ZNF692: variants seen among roughly 807,000 people sequenced by gnomAD.
The protein encoded by ZNF692 is zinc finger protein 692, also known as AICAR responsive element binding protein.
ZNF692 carries 41 observed loss-of-function variants against 49.0 expected under a neutral mutation model. The observed-to-expected ratio is 0.84, with a 90% CI of 0.65 to 1.08. The LOEUF is 1.08. Ranked by LOEUF, ZNF692 falls within the 50% of genes least tolerant of loss-of-function variation. ZNF692 has a pLI of 0.00. For missense variants in ZNF692, 662 were observed against 662.2 expected (o/e 1.00, Z 0.00); for synonymous variants, 288 against 251.5 (o/e 1.15, Z -1.37).
chr1:248,854,082 A>G (rs1487807487), intron 9 of ZNF692, 31 bp from the exon 10 acceptor site: 6 of 1,554,036 alleles, frequency 3.9e-6, no homozygotes, highest in Middle Eastern at 1.7e-4. Flanking sequence ...TAGGGAGAGA[A>G]GAGGCAAAAG....
chr1:248,852,747 C>T (rs1381755312), intron 10 of ZNF692, among the ~76,000 whole-genome samples: 1 of 152,168 alleles, frequency 6.6e-6, no homozygotes, highest in Non-Finnish European at 1.5e-5. Context: ...ATCCCCCCTT[C>T]CTCCCTGGAG....
rs1239984906 is a variant in ZNF692 at position 248,850,166 on chromosome 1, A to T, written c.*44T>A. 1 of 1,503,266 alleles carries T rather than the reference A, an allele frequency of 6.7e-7. No individual in the cohort carries two copies. Among genetic ancestry groups the T allele is most frequent in the African/African-American group, 1.4e-5 (1 of 71,104 alleles). 93.1% of individuals were successfully genotyped at this position (1,503,266 alleles called of 1,614,324 possible). A position where few individuals can be genotyped will look rare whatever the true frequency, so the allele number is the denominator to read the frequency against. ...GACCCTCTCCTTGTTGCTCCTTTTC[A>T]GTCCCTGGAGTCTGGCTTCCCAAAG... is the stretch of plus-strand genomic sequence containing the variant. On this transcript the variant is annotated 3_prime_UTR_variant, in exon 12 of 12. Transcript: ENST00000306601.
At chr1:248,850,890 G>A (rs905319126) in intron 10 of ZNF692, 109 bp from the exon 11 acceptor site, 5 of 964,748 alleles carry the variant, frequency 5.2e-6, no homozygotes, top group Non-Finnish European at 8.1e-6. Context: ...GAGGTCAGGA[G>A]GCTCAGGTTC....
chr1:248,854,040 C>G lies in ZNF692; in HGVS notation c.1050G>C (p.Lys350Asn). The G allele has an allele frequency of 4.3e-6, 7 of 1,614,068 alleles. No homozygotes were observed. The highest frequency in any genetic ancestry group is 5.9e-6 in the Non-Finnish European group (7 of 1,179,914). The change falls in exon 10 of 12, where the codon AAG becomes AAC. Residue 350 changes from lysine to asparagine, a missense_variant. Lys to Asn is a moderately conservative substitution (Grantham distance 94). Transcript: ENST00000306601. Reference protein sequence around the residue: ...SNRQYLNHHKKYQHIHQKSFS... With the variant: ...SNRQYLNHHKNYQHIHQKSFS... The stretch of plus-strand genomic sequence containing the variant: ...AAGACTTCTGGTGGATGTGCTGGTA[C>G]TTTTTGTGGTGCTAGAGAAGGAAGT...
chr1:248,854,573 C>G (rs1660008068), intron 9 of ZNF692: 1 of 155,500 alleles, frequency 6.4e-6, no homozygotes, highest in East Asian at 1.9e-4. Context: ...CACACACACT[C>G]TCAACCTAGA....
At position 248,858,642 on chromosome 1, in the gene ZNF692, G is replaced by A. The variant is rs112779094; in HGVS notation, c.-13+276C>T. Reference sequence around the variant, plus strand: ...TTTCACGGGAAATTTCAACTGGGCTGGGGGCGGTCCACACATTTCATCTTG... The same window carrying A: ...TTTCACGGGAAATTTCAACTGGGCTAGGGGCGGTCCACACATTTCATCTTG... On this transcript the variant is annotated intron_variant, in intron 1 of 11. Transcript: ENST00000306601. This position sits in a 1 kb window ranked among gnomAD's most constrained non-coding sequence, Gnocchi z 4.3. 1,591 of 1,297,054 alleles carry A rather than the reference G, an allele frequency of 1.2e-3. 22 individuals carry two copies. The African/African-American group carries it at 0.021, about 17-fold the overall frequency. The allele number at this position is 1,297,054 out of a possible 1,614,324, so 80.3% of individuals were successfully genotyped here. A position where few individuals can be genotyped will look rare whatever the true frequency, so the allele number is the denominator to read the frequency against.
chr1:248,854,049 G>A lies in ZNF692; in HGVS notation c.1041C>T (p.His347=). ...RIFSNRQYLN[H]HKKYQHIHQK... ...GGTGGATGTGCTGGTACTTTTTGTG[G>A]TGCTAGAGAAGGAAGTGGGTGGTAG... is the stretch of plus-strand genomic sequence containing the variant. Residue 347 remains histidine, a splice_region_variant and synonymous_variant, in exon 10 of 12, where the codon CAC becomes CAT. Transcript: ENST00000306601. 1.2e-6 allele frequency: 2 copies of A among 1,613,624 alleles called. No homozygotes were observed. The highest frequency in any genetic ancestry group is 1.7e-6 in the Non-Finnish European group (2 of 1,179,532).
rs749216107 is a variant in ZNF692, at chr1:248,854,057, G to A, written c.1039-6C>T. ...TGCTGGTACTTTTTGTGGTGCTAGA[G>A]AAGGAAGTGGGTGGTAGGGAGAGAA... On this transcript the variant is annotated splice_polypyrimidine_tract_variant and splice_region_variant and intron_variant, in intron 9 of 11. Coordinates refer to ENST00000306601, the MANE Select transcript of ZNF692 (RefSeq NM_017865.4). The A allele has an allele frequency of 3.7e-6, 6 of 1,610,816 alleles. No individual in the cohort carries two copies. Among genetic ancestry groups the A allele is most frequent in the Middle Eastern group, 1.7e-4 (1 of 6,056 alleles).
At chr1:248,854,107 A>G in intron 9 of ZNF692, 56 bp from the exon 10 acceptor site, 1 of 1,361,346 alleles carries the variant, frequency 7.3e-7, no homozygotes, top group Non-Finnish European at 1.1e-6. Context: ...GCCACCTTCC[A>G]CGGAGAGATG....
In ZNF692 at chr1:248,855,956, G is replaced by A. The variant is rs541550111; in HGVS notation, c.660-10C>T. 6.2e-7 allele frequency: 1 copy of A among 1,612,346 alleles called. No homozygotes were observed. Among genetic ancestry groups the A allele is most frequent in the East Asian group, 2.2e-5 (1 of 44,846 alleles). On this transcript the variant is annotated splice_polypyrimidine_tract_variant and intron_variant, in intron 6 of 11. Coordinates refer to ENST00000306601, the MANE Select transcript of ZNF692 (RefSeq NM_017865.4). ...GGCATCAGGCTCACTACTGAAAGGA[G>A]AACAAAGAGGAAGATGGCATTAACT... is the stretch of plus-strand genomic sequence containing the variant.
intron 9 of ZNF692, chr1:248,854,491 A>G (rs1420994349): frequency 2.7e-5 from 4 of 147,834 alleles, no homozygotes; most frequent in Non-Finnish European, 4.1e-5. Flanking sequence ...TATCTCCCCA[A>G]CTGCTTGCTT....
chr1:248,850,474 C>T lies in ZNF692; in HGVS notation c.1296G>A (p.Leu432=). Reference sequence around the variant, plus strand: ...CTGCATGCTTGCGCTGGTGCCAGTTCAGGGAAGCCTTCTGGCGGCAGGTAA... The same window carrying T: ...CTGCATGCTTGCGCTGGTGCCAGTTTAGGGAAGCCTTCTGGCGGCAGGTAA... ...CGFTCRQKAS[L]NWHQRKHAET... The change falls in exon 12 of 12, where the codon CTG becomes CTA. Residue 432 remains leucine, a synonymous_variant. Coordinates refer to ENST00000306601, the MANE Select transcript of ZNF692 (RefSeq NM_017865.4). The T allele has an allele frequency of 6.2e-7, 1 of 1,612,180 alleles. No homozygotes were observed. The highest frequency in any genetic ancestry group is 8.5e-7 in the Non-Finnish European group (1 of 1,178,868).
At chr1:248,856,602 C>A (rs1240667444) in intron 4 of ZNF692, 40 bp from the exon 5 acceptor site, 2 of 1,613,296 alleles carry the variant, frequency 1.2e-6, no homozygotes, top group Admixed American at 1.7e-5. Context: ...GAACTCTGGA[C>A]TCAAGGGATG....
In ZNF692 at chr1:248,858,274, C is replaced by T; in HGVS notation, c.36G>A (p.Arg12=). ...ASSPAVDVSC[R]RREKRRQLDA... is the part of the protein sequence containing the mutation. ...CCAGCTGCCGCCGCTTCTCCCGCCG[C>T]CTGCAGGACACGTCCACCGCCGGGG... The change falls in exon 2 of 12, where the codon AGG becomes AGA. Residue 12 remains arginine, a synonymous_variant. Coordinates refer to ENST00000306601, the MANE Select transcript of ZNF692 (RefSeq NM_017865.4). This position sits in a 1 kb window ranked among gnomAD's most constrained non-coding sequence, Gnocchi z 4.3. 1 of 1,583,128 alleles carries T rather than the reference C, an allele frequency of 6.3e-7. No individual in the cohort carries two copies. The highest frequency in any genetic ancestry group is 1.9e-4 in the Middle Eastern group (1 of 5,204).
At position 248,850,471 on chromosome 1, in the gene ZNF692, G is replaced by A. The variant is rs2103035851; in HGVS notation, c.1299C>T (p.Asn433=). The change falls in exon 12 of 12, where the codon AAC becomes AAT. Residue 433 remains asparagine, a synonymous_variant. Transcript: ENST00000306601. ...GFTCRQKASL[N]WHQRKHAETV... is the part of the protein sequence containing the mutation. ...TCTCTGCATGCTTGCGCTGGTGCCAGTTCAGGGAAGCCTTCTGGCGGCAGG... is the reference window on the plus strand; with the variant it reads ...TCTCTGCATGCTTGCGCTGGTGCCAATTCAGGGAAGCCTTCTGGCGGCAGG... The A allele has an allele frequency of 3.1e-6, 5 of 1,612,494 alleles. No individual in the cohort carries two copies. The highest frequency in any genetic ancestry group is 4.2e-6 in the Non-Finnish European group (5 of 1,179,086).
chr1:248,857,030 T>G (rs1272184205), intron 4 of ZNF692, among the ~76,000 whole-genome samples: 1 of 152,184 alleles, frequency 6.6e-6, no homozygotes, highest in Admixed American at 6.5e-5. Flanking sequence ...TTCCCCTTAT[T>G]TGTATTTTTC....
intron 3 of ZNF692, 161 bp from the exon 4 acceptor site, chr1:248,857,658 A>T: frequency 1.4e-6 from 2 of 1,466,984 alleles, no homozygotes; most frequent in Admixed American, 5.3e-5. Context: ...ATCCTGAGAC[A>T]TTGCTCCCTT....
At chr1:248,850,589 C>G in intron 11 of ZNF692, 73 bp from the exon 12 acceptor site, 1 of 1,593,240 alleles carries the variant, frequency 6.3e-7, no homozygotes, top group Non-Finnish European at 8.6e-7. Context: ...GTTCCTCCTG[C>G]TCCCCACTGC....
In ZNF692 at chr1:248,850,484, T is replaced by G; in HGVS notation, c.1286A>C (p.Lys429Thr). ...CEICGFTCRQ[K>T]ASLNWHQRKH... ...GCGCTGGTGCCAGTTCAGGGAAGCC[T>G]TCTGGCGGCAGGTAAACCCGCATAT... The change falls in exon 12 of 12, where the codon AAG (lysine) becomes ACG (threonine). Residue 429 changes from lysine (K) to threonine (T), a missense_variant. Physicochemically the swap from Lys to Thr is moderately conservative, Grantham distance 78. Coordinates refer to ENST00000306601, the MANE Select transcript of ZNF692 (RefSeq NM_017865.4). 6.2e-7 allele frequency: 1 copy of G among 1,611,168 alleles called. No individual in the cohort carries two copies. Among genetic ancestry groups the G allele is most frequent in the Non-Finnish European group, 8.5e-7 (1 of 1,178,266 alleles).
Sources: allele counts gnomAD v4.1 joint callset (sites outside exome capture counted in the v4.1 genomes callset), GRCh38; gene constraint gnomAD v4.1.1; non-coding constraint Gnocchi (gnomAD v3.1); transcripts MANE v1.5; gene names NCBI Gene and HGNC (gene_info 2026-07-23, HGNC 2026-07-21).